ALDH1A3: variants seen among roughly 807,000 people sequenced by gnomAD.
ALDH1A3 encodes aldehyde dehydrogenase 1 family member A3.
ALDH1A3 carries 28 observed loss-of-function variants against 57.5 expected under a neutral mutation model. The observed-to-expected ratio is 0.49, with a 90% confidence interval of 0.36 to 0.67. ALDH1A3 has a LOEUF of 0.67. ALDH1A3 is among the 30% of genes least tolerant of loss of function. The pLI, the probability that ALDH1A3 is intolerant of heterozygous loss-of-function variation, is 0.00. For synonymous variants in ALDH1A3, 281 were observed against 264.8 expected, an observed-to-expected ratio of 1.06 and a Z score of -0.59; for missense variants, 507 against 669.4, an observed-to-expected ratio of 0.76 and a Z score of 2.68.
Position 100,906,989 on chromosome 15 carries a change from C to A in ALDH1A3, c.1234-132C>A. 1.0e-6 allele frequency: 1 copy of A among 994,158 alleles called. No homozygotes were observed. The allele number at this position is 994,158 out of a possible 1,614,324, so 61.6% of individuals were successfully genotyped here. On this transcript the variant is annotated intron_variant, in intron 10 of 12. Transcript: ENST00000329841. The surrounding 1 kb of genome is among the most constrained non-coding windows in gnomAD (Gnocchi z 4.8). ...GCAATGTTTGGACGTTCTTTCTTCT[C>A]TAATCATCGTTTTTCAGGCATGTGT...
chr15:100,905,478 T>C, intron 9 of ALDH1A3, 45 bp from the exon 10 acceptor site: 1 of 1,613,266 alleles, frequency 6.2e-7, no homozygotes, highest in Non-Finnish European at 8.5e-7. Context: ...TGGCAGCCAC[T>C]GCCCAGAAGG....
At chr15:100,912,581 T>C (rs2041891528) in intron 12 of ALDH1A3, among the ~76,000 whole-genome samples, 2 of 152,234 alleles carry the variant, frequency 1.3e-5, no homozygotes, top group Non-Finnish European at 2.9e-5. Flanking sequence ...TAGGAAAGAT[T>C]ATAAAATAAT....
chr15:100,883,558 C>T (rs937236946), intron 1 of ALDH1A3, among the ~76,000 whole-genome samples: 3 of 152,170 alleles, frequency 2.0e-5, no homozygotes, highest in Non-Finnish European at 4.4e-5. Context: ...GGTCTCTGCT[C>T]ACCTGCCCAG....
At chr15:100,892,291 C>G in intron 3 of ALDH1A3, 1 of 579,518 alleles carries the variant, frequency 1.7e-6, no homozygotes, top group African/African-American at 1.9e-5. Flanking sequence ...CACCCTGCAG[C>G]CCACTTTAGG....
intron 2 of ALDH1A3, among the ~76,000 whole-genome samples, chr15:100,885,662 T>C (rs946286756): frequency 4.6e-5 from 7 of 151,698 alleles, no homozygotes; most frequent in Admixed American, 1.3e-4. Context: ...TTTCTTTTTT[T>C]TTTTTTTTTA....
At chr15:100,907,645 T>C (rs2041835558) in intron 11 of ALDH1A3, among the ~76,000 whole-genome samples, 1 of 152,168 alleles carries the variant, frequency 6.6e-6, no homozygotes, top group South Asian at 2.1e-4. Context: ...GATACTAGTC[T>C]CTGCCTCATC....
In ALDH1A3 at chr15:100,914,758, C is replaced by G; in HGVS notation, c.1524C>G (p.Gly508=). The G allele has an allele frequency of 6.2e-7, 1 of 1,613,986 alleles. No homozygotes were observed. The highest frequency in any genetic ancestry group is 8.5e-7 in the Non-Finnish European group (1 of 1,179,974). The change falls in exon 13 of 13, where the codon GGC becomes GGG. Residue 508 remains glycine (G), a synonymous_variant. Transcript: ENST00000329841. Reference sequence around the variant, plus strand: ...TGAAAACTGTCACCATCAAACTTGGCGACAAGAACCCCTGAAGGAAAGGCG... The same window carrying G: ...TGAAAACTGTCACCATCAAACTTGGGGACAAGAACCCCTGAAGGAAAGGCG... ...TEVKTVTIKL[G]DKNP
Position 100,887,566 on chromosome 15 carries a change from G to T in ALDH1A3, c.205-6G>T. ...ACAGTCTCTCTCTGTTGTTCTGGTCGCTCAGCCCGACGTGGACAAGGCTGT... is the reference window on the plus strand; with the variant it reads ...ACAGTCTCTCTCTGTTGTTCTGGTCTCTCAGCCCGACGTGGACAAGGCTGT... On this transcript the variant is annotated splice_region_variant and splice_polypyrimidine_tract_variant and intron_variant, in intron 2 of 12. Transcript: ENST00000329841. This position sits in a 1 kb window ranked among gnomAD's most constrained non-coding sequence, Gnocchi z 4.6. 1 of 1,575,768 alleles carries T rather than the reference G, an allele frequency of 6.3e-7. No homozygotes were observed. Among genetic ancestry groups the T allele is most frequent in the South Asian group, 1.2e-5 (1 of 86,234 alleles).
chr15:100,882,460 A>G (rs2041555545), intron 1 of ALDH1A3, among the ~76,000 whole-genome samples: 1 of 152,164 alleles, frequency 6.6e-6, no homozygotes, highest in Non-Finnish European at 1.5e-5. Context: ...GGTTTTTATT[A>G]TCTCTCTTAT....
At chr15:100,882,301 A>T (rs1384579973) in intron 1 of ALDH1A3, among the ~76,000 whole-genome samples, 3 of 152,200 alleles carry the variant, frequency 2.0e-5, no homozygotes, top group Non-Finnish European at 4.4e-5. Context: ...ATGCTGTGTG[A>T]TTCTGGAGAG....
Position 100,892,501 on chromosome 15 carries a change from T to A in ALDH1A3, c.346-9T>A. On this transcript the variant is annotated splice_polypyrimidine_tract_variant and intron_variant, in intron 3 of 12. Transcript: ENST00000329841. ...TATGTCCGAAACAGACATCATCTTGTTATTGCAGGCCCTGGAGACGATGGA... is the reference window on the plus strand; with the variant it reads ...TATGTCCGAAACAGACATCATCTTGATATTGCAGGCCCTGGAGACGATGGA... 1 of 1,609,682 alleles carries A rather than the reference T, an allele frequency of 6.2e-7. No individual in the cohort carries two copies.
At position 100,906,768 on chromosome 15, in the gene ALDH1A3, A is replaced by G. The variant is rs2041826494; in HGVS notation, c.1234-353A>G. Among the ~76,000 whole-genome samples the G allele has an allele frequency of 6.6e-6, 1 of 152,230 alleles. No individual in the cohort carries two copies. The highest frequency in any genetic ancestry group is 2.1e-4 in the South Asian group (1 of 4,830). ...AAAGTGCCTGCAGATATCCTTCAGGACAACTCCGAAAAAAGTTACCTAAAG... is the reference window on the plus strand; with the variant it reads ...AAAGTGCCTGCAGATATCCTTCAGGGCAACTCCGAAAAAAGTTACCTAAAG... On this transcript the variant is annotated intron_variant, in intron 10 of 12. Coordinates refer to ENST00000329841, the MANE Select transcript of ALDH1A3 (RefSeq NM_000693.4). This position sits in a 1 kb window ranked among gnomAD's most constrained non-coding sequence, Gnocchi z 4.8.
Position 100,894,001 on chromosome 15 carries a change from C to T in ALDH1A3, c.585C>T (p.Leu195=), listed in dbSNP as rs765289567. 4 of 1,614,240 alleles carry T rather than the reference C, an allele frequency of 2.5e-6. No individual in the cohort carries two copies. The African/African-American group carries it at 4.0e-5, about 16-fold the overall frequency. Residue 195 remains leucine, a synonymous_variant, in exon 6 of 13, where the codon CTC becomes CTT. Transcript: ENST00000329841. This position sits in a 1 kb window ranked among gnomAD's most constrained non-coding sequence, Gnocchi z 4.5. ...TGGTGTGGAAGCTGGCACCCGCCCT[C>T]TGCTGTGGGAACACCATGGTCCTGA... ...LMLVWKLAPA[L]CCGNTMVLKP...
rs1165671230 is a variant in ALDH1A3, at chr15:100,879,850, G to C, written c.-58G>C. 13 of 1,258,548 alleles carry C rather than the reference G, an allele frequency of 1.0e-5. No homozygotes were observed. The highest frequency in any genetic ancestry group is 1.3e-5 in the Non-Finnish European group (13 of 980,674). 78.0% of individuals were successfully genotyped at this position (1,258,548 alleles called of 1,614,324 possible). Reference sequence around the variant, plus strand: ...CCCGGGAGCGGGCTGCGCAGTGTCCGGGCCGAGCCGGTGCGCCGCAGACTA... The same window carrying C: ...CCCGGGAGCGGGCTGCGCAGTGTCCCGGCCGAGCCGGTGCGCCGCAGACTA... On this transcript the variant is annotated 5_prime_UTR_variant, in exon 1 of 13. Coordinates refer to ENST00000329841, the MANE Select transcript of ALDH1A3 (RefSeq NM_000693.4).
At position 100,911,103 on chromosome 15, in the gene ALDH1A3, C is replaced by T. The variant is rs148989394; in HGVS notation, c.1466+2621C>T. Among the ~76,000 whole-genome samples the T allele has an allele frequency of 2.3e-3, 353 of 152,380 alleles. 2 individuals carry two copies. Among genetic ancestry groups the T allele is most frequent in the African/African-American group, 7.9e-3 (327 of 41,594 alleles). ...GCCCTTGGCCTATATTTTCTCAAGG[C>T]TTTTGATAAAATATTTAAAAATAAT... On this transcript the variant is annotated intron_variant, in intron 12 of 12. Transcript: ENST00000329841.
In ALDH1A3 at chr15:100,914,739, C is replaced by G; in HGVS notation, c.1505C>G (p.Thr502Ser). ...TTGGCCGAATACACAGAAGTGAAAA[C>G]TGTCACCATCAAACTTGGCGACAAG... Reference protein sequence around the residue: ...YALAEYTEVKTVTIKLGDKNP With the variant: ...YALAEYTEVKSVTIKLGDKNP Residue 502 changes from threonine to serine, a missense_variant, in exon 13 of 13, where the codon ACT becomes AGT. Coordinates refer to ENST00000329841, the MANE Select transcript of ALDH1A3 (RefSeq NM_000693.4). 1 of 1,614,154 alleles carries G rather than the reference C, an allele frequency of 6.2e-7. No homozygotes were observed. Among genetic ancestry groups the G allele is most frequent in the Non-Finnish European group, 8.5e-7 (1 of 1,180,030 alleles).
intron 3 of ALDH1A3, among the ~76,000 whole-genome samples, chr15:100,888,031 C>T (rs2041613751): frequency 6.6e-6 from 1 of 152,178 alleles, no homozygotes; most frequent in Non-Finnish European, 1.5e-5. Context: ...GGGCCATATC[C>T]TGGTACCACC....
In ALDH1A3 at chr15:100,894,299, T is replaced by A. The variant is rs763470058; in HGVS notation, c.666+217T>A. On this transcript the variant is annotated intron_variant, in intron 6 of 12. Coordinates refer to ENST00000329841, the MANE Select transcript of ALDH1A3 (RefSeq NM_000693.4). The surrounding 1 kb of genome is among the most constrained non-coding windows in gnomAD (Gnocchi z 4.5). The stretch of plus-strand genomic sequence containing the variant: ...TTCCTCCCAGTGGTCCTAATGAGAA[T>A]GCTTAACTCTTATTATGGGCTCAAA... The A allele has an allele frequency of 2.2e-5, 12 of 541,288 alleles. No individual in the cohort carries two copies. The highest frequency in any genetic ancestry group is 3.6e-5 in the Non-Finnish European group (11 of 308,770). The allele number at this position is 541,288 out of a possible 1,614,324, so 33.5% of individuals were successfully genotyped here.
chr15:100,912,402 GT>G (rs2041890107), intron 12 of ALDH1A3, among the ~76,000 whole-genome samples: 1 of 151,958 alleles, frequency 6.6e-6, no homozygotes, highest in South Asian at 2.1e-4. Context: ...TGTTTTTCTT[GT>G]TGGTTTGCAA....
Sources: allele counts gnomAD v4.1 joint callset (sites outside exome capture counted in the v4.1 genomes callset), GRCh38; gene constraint gnomAD v4.1.1; non-coding constraint Gnocchi (gnomAD v3.1); transcripts MANE v1.5; gene names NCBI Gene and HGNC (gene_info 2026-07-23, HGNC 2026-07-21).